Variants in HNRNPC observed in about 807,000 individuals in gnomAD.
The protein encoded by HNRNPC is heterogeneous nuclear ribonucleoprotein C.
HNRNPC carries 3 observed loss-of-function variants against 33.2 expected under a neutral mutation model. That is an observed-to-expected ratio of 0.09 (90% CI 0.04 to 0.23). The LOEUF (loss-of-function observed/expected upper bound fraction) is 0.23, where lower values mean the gene tolerates loss of function less well. Among genes scored for constraint, HNRNPC ranks in the 10% least tolerant of loss-of-function variants. HNRNPC has a pLI of 1.00. For missense variants in HNRNPC, 143 were observed against 366.7 expected (o/e 0.39, Z 4.98); for synonymous variants, 121 against 126.7 (o/e 0.96, Z 0.30).
At chr14:21,268,113 T>C (rs1594353292) in intron 1 of HNRNPC, among the ~76,000 whole-genome samples, 1 of 152,190 alleles carries the variant, frequency 6.6e-6, no homozygotes, top group Non-Finnish European at 1.5e-5. Context: ...CCAAATCTCA[T>C]GTGAGGATTA....
chr14:21,238,626 T>G (rs928815061), intron 2 of HNRNPC, among the ~76,000 whole-genome samples: 4 of 152,198 alleles, frequency 2.6e-5, no homozygotes, highest in Non-Finnish European at 1.5e-5. Flanking sequence ...CAAGTCTTAA[T>G]GCACCTGTAT....
At chr14:21,235,939 A>G (rs1475692378) in intron 2 of HNRNPC, among the ~76,000 whole-genome samples, 1 of 152,200 alleles carries the variant, frequency 6.6e-6, no homozygotes, top group Non-Finnish European at 1.5e-5. Flanking sequence ...CCACAGTCCA[A>G]TGTTCCAAAT....
intron 2 of HNRNPC, among the ~76,000 whole-genome samples, chr14:21,254,748 A>T (rs1276823151): frequency 6.6e-6 from 1 of 152,160 alleles, no homozygotes; most frequent in Non-Finnish European, 1.5e-5. Context: ...TCTTGTAAAA[A>T]TACAAAAATT....
At chr14:21,214,151 T>G (rs926172712) in intron 5 of HNRNPC, among the ~76,000 whole-genome samples, 1 of 152,170 alleles carries the variant, frequency 6.6e-6, no homozygotes, top group African/African-American at 2.4e-5. Flanking sequence ...GCAACTAACT[T>G]AATGCAAAGG....
chr14:21,249,137 T>C (rs1474187838), intron 2 of HNRNPC, among the ~76,000 whole-genome samples: 1 of 152,208 alleles, frequency 6.6e-6, no homozygotes, highest in Non-Finnish European at 1.5e-5. Context: ...TAATTTTTCC[T>C]TCTGCAAAGA....
chr14:21,257,750 T>G (rs1877478500), intron 2 of HNRNPC, among the ~76,000 whole-genome samples: 1 of 152,042 alleles, frequency 6.6e-6, no homozygotes, highest in African/African-American at 2.4e-5. Context: ...GTGCCCAGCT[T>G]TTTGTAGACA....
rs980336554 is a variant in HNRNPC, at chr14:21,245,171, G to A, written c.-36-10942C>T. ...AATATTATTTGTGTACTTCAAAAAA[G>A]AAAAGGTACAGTAAAAATACAGTAT... On this transcript the variant is annotated intron_variant, in intron 2 of 8. Transcript: ENST00000553300. Among the ~76,000 whole-genome samples, 12 of 148,714 alleles carry A rather than the reference G, an allele frequency of 8.1e-5. No individual in the cohort carries two copies. In the East Asian group the frequency reaches 2.4e-3, roughly 30 times the overall value.
intron 2 of HNRNPC, among the ~76,000 whole-genome samples, chr14:21,244,999 C>T (rs371070508): frequency 1.3e-4 from 20 of 148,358 alleles, no homozygotes; most frequent in African/African-American, 3.7e-4. Flanking sequence ...GCAGGAGAAT[C>T]GCTTCAATCC....
intron 2 of HNRNPC, among the ~76,000 whole-genome samples, chr14:21,262,313 T>A (rs966686817): frequency 1.3e-5 from 2 of 152,130 alleles, no homozygotes; most frequent in African/African-American, 4.8e-5. Flanking sequence ...GACTCCCCAA[T>A]ATGTTTTCTT....
chr14:21,230,921 T>G (rs1894045593), intron 4 of HNRNPC, 76 bp downstream of exon 4: 1 of 1,536,394 alleles, frequency 6.5e-7, no homozygotes, highest in Non-Finnish European at 9.0e-7. Context: ...TGCCCACTGA[T>G]GGACACAATG....
chr14:21,241,623 A>T (rs1331028881), intron 2 of HNRNPC, among the ~76,000 whole-genome samples: 1 of 152,120 alleles, frequency 6.6e-6, no homozygotes, highest in Non-Finnish European at 1.5e-5. Flanking sequence ...CCTATCCCAC[A>T]TTACTCTCTA....
chr14:21,235,535 A>G lies in HNRNPC; in HGVS notation c.-36-1306T>C, dbSNP rs180871714. On this transcript the variant is annotated intron_variant, in intron 2 of 8. Transcript: ENST00000553300. ...TCCTTCCAAATCTTTCTGAAATTCA[A>G]AAGTCTGTCTTTGTTACTTTCTAAA... 1.4e-3 allele frequency among the ~76,000 whole-genome samples: 219 copies of G among 152,292 alleles called. 3 individuals carry two copies. The highest frequency in any genetic ancestry group is 5.0e-3 in the African/African-American group (206 of 41,554).
intron 2 of HNRNPC, among the ~76,000 whole-genome samples, chr14:21,254,136 T>C (rs1876708366): frequency 6.6e-6 from 1 of 151,254 alleles, no homozygotes. Flanking sequence ...TGAATAATTA[T>C]ATTTCTGGGG....
chr14:21,232,962 G>C (rs1210004746), intron 3 of HNRNPC, among the ~76,000 whole-genome samples: 1 of 152,004 alleles, frequency 6.6e-6, no homozygotes, highest in South Asian at 2.1e-4. Context: ...GCTTGAACCC[G>C]GGAGGCTGAG....
At chr14:21,262,748 AG>A (rs1878443587) in intron 2 of HNRNPC, 1 of 152,252 alleles carries the variant, frequency 6.6e-6, no homozygotes, top group Non-Finnish European at 1.5e-5. Flanking sequence ...TGGGATTTCA[AG>A]GGAAACAGGA....
intron 2 of HNRNPC, among the ~76,000 whole-genome samples, chr14:21,253,794 G>C (rs563889689): frequency 3.3e-5 from 5 of 152,012 alleles, no homozygotes; most frequent in Admixed American, 6.6e-5. Flanking sequence ...GGCCAGGCGC[G>C]GTGGCTCAGG....
chr14:21,230,554 G>C (rs147831627), intron 4 of HNRNPC, 188 bp from the exon 5 acceptor site: 2 of 537,486 alleles, frequency 3.7e-6, no homozygotes, highest in African/African-American at 3.9e-5. Flanking sequence ...GAAATGTAGC[G>C]GTCAAATTGG....
At chr14:21,266,816 T>C (rs937396697) in intron 1 of HNRNPC, among the ~76,000 whole-genome samples, 5 of 151,422 alleles carry the variant, frequency 3.3e-5, no homozygotes, top group African/African-American at 9.7e-5. Flanking sequence ...CGGGGCCGGG[T>C]GCGGTGGCTC....
At chr14:21,236,247 G>A (rs959531210) in intron 2 of HNRNPC, 7 of 152,104 alleles carry the variant, frequency 4.6e-5, no homozygotes, top group African/African-American at 1.7e-4. Flanking sequence ...TTAAGGATAT[G>A]ATTTCTCATT....
Sources: allele counts gnomAD v4.1 joint callset (sites outside exome capture counted in the v4.1 genomes callset), GRCh38; gene constraint gnomAD v4.1.1; transcripts MANE v1.5; gene names NCBI Gene and HGNC (gene_info 2026-07-23, HGNC 2026-07-21).